Variants in CDH13 observed in about 807,000 individuals in gnomAD.
CDH13 encodes cadherin-13.
In CDH13, 24 loss-of-function variants were observed where a neutral mutation model predicts 63.8. The ratio of observed to expected loss-of-function variants is 0.38; its 90% confidence interval spans 0.27 to 0.53. The LOEUF is 0.53. CDH13 is among the 20% of genes least tolerant of loss of function. The pLI, the probability that CDH13 is intolerant of heterozygous loss-of-function variation, is 0.85. For missense variants in CDH13, 1,049 were observed against 903.1 expected (o/e 1.16, Z -2.07); for synonymous variants, 503 against 355.3 (o/e 1.42, Z -4.67).
chr16:82,977,048 C>G (rs562905975), intron 2 of CDH13, among the ~76,000 whole-genome samples: 2 of 152,316 alleles, frequency 1.3e-5, no homozygotes, highest in Admixed American at 1.3e-4. Context: ...TATATATTTC[C>G]TCTTATAGAA....
intron 7 of CDH13, among the ~76,000 whole-genome samples, chr16:83,554,757 C>G (rs1331054413): frequency 6.6e-6 from 1 of 152,068 alleles, no homozygotes; most frequent in African/African-American, 2.4e-5. Flanking sequence ...CTGATGTCAC[C>G]CTTATTATTG....
At chr16:83,063,996 G>A (rs770746495) in intron 3 of CDH13, among the ~76,000 whole-genome samples, 35 of 152,052 alleles carry the variant, frequency 2.3e-4, no homozygotes, top group Admixed American at 7.2e-4. Flanking sequence ...ATGTCCAAGC[G>A]GAGATGCCAG....
chr16:82,674,916 A>G (rs1409327001), intron 1 of CDH13, among the ~76,000 whole-genome samples: 1 of 152,044 alleles, frequency 6.6e-6, no homozygotes, highest in Non-Finnish European at 1.5e-5. Context: ...AAAAGTCATA[A>G]TCTATTAATT....
intron 4 of CDH13, among the ~76,000 whole-genome samples, chr16:83,207,699 A>T (rs551911575): frequency 1.3e-5 from 2 of 151,988 alleles, no homozygotes; most frequent in African/African-American, 4.8e-5. Context: ...CCACATTAGT[A>T]TATAATTATT....
At chr16:83,758,572 A>G (rs1250290317) in intron 11 of CDH13, among the ~76,000 whole-genome samples, 1 of 152,236 alleles carries the variant, frequency 6.6e-6, no homozygotes, top group Admixed American at 6.5e-5. Context: ...AGGCAAACAA[A>G]AGAAATACTA....
chr16:83,072,899 G>A (rs1365828004), intron 3 of CDH13, among the ~76,000 whole-genome samples: 2 of 152,194 alleles, frequency 1.3e-5, no homozygotes, highest in South Asian at 2.1e-4. Context: ...TAACATTTCT[G>A]TGGGCTCTCA....
intron 1 of CDH13, among the ~76,000 whole-genome samples, chr16:82,815,010 G>T (rs888314908): frequency 1.3e-5 from 2 of 150,774 alleles, no homozygotes; most frequent in African/African-American, 2.4e-5. Flanking sequence ...AAAACATTTT[G>T]TTTTTTTTTC....
chr16:83,692,466 T>C (rs1598489612), intron 10 of CDH13, among the ~76,000 whole-genome samples: 1 of 152,240 alleles, frequency 6.6e-6, no homozygotes, highest in East Asian at 1.9e-4. Flanking sequence ...GTTGCACGGG[T>C]TGATGATGCG....
intron 3 of CDH13, among the ~76,000 whole-genome samples, chr16:83,051,986 A>T (rs2030389690): frequency 6.6e-6 from 1 of 152,002 alleles, no homozygotes; most frequent in Non-Finnish European, 1.5e-5. Context: ...CTCTCATGTC[A>T]TGTGGAAATG....
At chr16:82,680,131 C>T (rs185699468) in intron 1 of CDH13, among the ~76,000 whole-genome samples, 3 of 152,292 alleles carry the variant, frequency 2.0e-5, no homozygotes, top group African/African-American at 7.2e-5. Flanking sequence ...GTTGGCTCAG[C>T]ATCTGGGAAG....
At chr16:82,635,353 G>A (rs1908524799) in intron 1 of CDH13, among the ~76,000 whole-genome samples, 1 of 152,258 alleles carries the variant, frequency 6.6e-6, no homozygotes, top group South Asian at 2.1e-4. Flanking sequence ...CAAAGACACA[G>A]TAGAGGGTGT....
intron 2 of CDH13, among the ~76,000 whole-genome samples, chr16:82,910,264 C>G (rs1205244128): frequency 2.0e-5 from 3 of 152,196 alleles, no homozygotes; most frequent in African/African-American, 4.8e-5. Context: ...ACTACATAAT[C>G]CAGCCTATTC....
chr16:83,526,888 T>G (rs1269839840), intron 7 of CDH13, among the ~76,000 whole-genome samples: 3 of 152,092 alleles, frequency 2.0e-5, no homozygotes, highest in Admixed American at 2.0e-4. Context: ...TCCCAGCACT[T>G]TGGGAGGCCA....
intron 4 of CDH13, among the ~76,000 whole-genome samples, chr16:83,186,776 T>C (rs1485308688): frequency 1.3e-5 from 2 of 152,050 alleles, no homozygotes; most frequent in African/African-American, 4.8e-5. Flanking sequence ...ATGAGACAAG[T>C]CAAGCTCTTG....
rs182763428 is a variant in CDH13 at position 83,271,663 on chromosome 16, G to C, written c.636+54166G>C. Among the ~76,000 whole-genome samples the C allele has an allele frequency of 2.2e-4, 34 of 152,016 alleles. 1 individual carries two copies. The highest frequency in any genetic ancestry group is 2.0e-3 in the Admixed American group (31 of 15,260). The stretch of plus-strand genomic sequence containing the variant: ...TAAGAAAATAATTCACAATACTCAA[G>C]GGGAAGGTAGCACTTGTGAGCCAGC... On this transcript the variant is annotated intron_variant, in intron 5 of 13. Coordinates refer to ENST00000567109, the MANE Select transcript of CDH13 (RefSeq NM_001257.5).
At chr16:82,901,613 A>AGTAAGGAAT (rs2041472500) in intron 2 of CDH13, among the ~76,000 whole-genome samples, 1 of 152,326 alleles carries the variant, frequency 6.6e-6, no homozygotes, top group South Asian at 2.1e-4. Context: ...ATAATTGCTC[A>AGTAAGGAAT]ATATATTTTT....
chr16:83,216,259 T>C (rs981634496), intron 4 of CDH13, among the ~76,000 whole-genome samples: 3 of 151,192 alleles, frequency 2.0e-5, no homozygotes, highest in African/African-American at 4.9e-5. Flanking sequence ...GCAGTGTCTC[T>C]AGAGAATGGA....
At chr16:83,666,822 T>TA (rs1034699668) in intron 8 of CDH13, among the ~76,000 whole-genome samples, 1 of 85,274 alleles carries the variant, frequency 1.2e-5, no homozygotes, top group Non-Finnish European at 2.5e-5. Flanking sequence ...CCTCCACACA[T>TA]ACACACACAC....
intron 7 of CDH13, among the ~76,000 whole-genome samples, chr16:83,585,314 C>A (rs1906039778): frequency 6.6e-6 from 1 of 152,094 alleles, no homozygotes; most frequent in Non-Finnish European, 1.5e-5. Context: ...CAACAGTAAC[C>A]CAAACTAAGG....
Sources: allele counts gnomAD v4.1 joint callset (sites outside exome capture counted in the v4.1 genomes callset), GRCh38; gene constraint gnomAD v4.1.1; transcripts MANE v1.5; gene names NCBI Gene and HGNC (gene_info 2026-07-23, HGNC 2026-07-21).